The following TNFRSF21 variants were observed in gnomAD, a reference collection of about 807,000 sequenced individuals.
The protein encoded by TNFRSF21 is TNF receptor superfamily member 21.
TNFRSF21 carries 19 observed loss-of-function variants against 45.6 expected under a neutral mutation model. That is an observed-to-expected ratio of 0.42 (90% CI 0.29 to 0.61). TNFRSF21 has a LOEUF of 0.61. Among genes scored for constraint, TNFRSF21 ranks in the 20% least tolerant of loss-of-function variants. The pLI is 0.23. For missense variants in TNFRSF21, 737 were observed against 851.5 expected, an observed-to-expected ratio of 0.87 and a Z score of 1.67; for synonymous variants, 314 against 335.5, an observed-to-expected ratio of 0.94 and a Z score of 0.70.
intron 4 of TNFRSF21, among the ~76,000 whole-genome samples, chr6:47,237,890 A>G (rs1337479631): frequency 6.6e-6 from 1 of 152,096 alleles, no homozygotes; most frequent in Non-Finnish European, 1.5e-5. Context: ...TCTCCACTAA[A>G]AATACAAAAA....
At chr6:47,245,919 G>A (rs1764818659) in intron 4 of TNFRSF21, among the ~76,000 whole-genome samples, 1 of 152,194 alleles carries the variant, frequency 6.6e-6, no homozygotes, top group Non-Finnish European at 1.5e-5. Flanking sequence ...TACATGGTCA[G>A]AGCAGTGGTG....
At chr6:47,289,633 A>AC (rs949463604) in intron 1 of TNFRSF21, among the ~76,000 whole-genome samples, 1 of 152,040 alleles carries the variant, frequency 6.6e-6, no homozygotes, top group Non-Finnish European at 1.5e-5. Flanking sequence ...AGCCTCAGAC[A>AC]CCTTTTTCTG....
rs374952581 is a variant in TNFRSF21 at position 47,257,218 on chromosome 6, A to G, written c.1244-3697T>C. 1.7e-3 allele frequency among the ~76,000 whole-genome samples: 266 copies of G among 152,234 alleles called. 1 individual carries two copies. The highest frequency in any genetic ancestry group is 3.2e-3 in the Non-Finnish European group (216 of 68,002). The stretch of plus-strand genomic sequence containing the variant: ...TTATCCTTTTTTTAAGCCACAAAAT[A>G]AAGAAAAAAAGAAAAAAAAACCCAC... On this transcript the variant is annotated intron_variant, in intron 3 of 5. Transcript: ENST00000296861.
intron 3 of TNFRSF21, among the ~76,000 whole-genome samples, chr6:47,272,620 G>T (rs2113858716): frequency 6.6e-6 from 1 of 152,176 alleles, no homozygotes; most frequent in East Asian, 1.9e-4. Flanking sequence ...AGAAGCAAGA[G>T]CAAACACATT....
chr6:47,300,578 C>T (rs1437785024), intron 1 of TNFRSF21, among the ~76,000 whole-genome samples: 1 of 152,280 alleles, frequency 6.6e-6, no homozygotes, highest in South Asian at 2.1e-4. Context: ...TGAGTGATGT[C>T]CTGATCCCTT....
At chr6:47,303,886 G>A (rs1025168022) in intron 1 of TNFRSF21, among the ~76,000 whole-genome samples, 4 of 152,254 alleles carry the variant, frequency 2.6e-5, no homozygotes, top group African/African-American at 9.6e-5. Flanking sequence ...AGCAGCTGTT[G>A]CTGCTACAGC....
rs560536442 is a variant in TNFRSF21 at position 47,301,849 on chromosome 6, T to C, written c.96+7567A>G. On this transcript the variant is annotated intron_variant, in intron 1 of 5. Coordinates refer to ENST00000296861, the MANE Select transcript of TNFRSF21 (RefSeq NM_014452.5). ...CCTCTTTTCTTTATAAATGACCCAG[T>C]CTTGGGTATTCCTTTATAGCATCGC... Among the ~76,000 whole-genome samples the C allele has an allele frequency of 2.0e-5, 3 of 152,296 alleles. No individual in the cohort carries two copies. In the East Asian group the frequency reaches 5.8e-4, roughly 29 times the overall value.
At chr6:47,306,892 A>G in intron 1 of TNFRSF21, among the ~76,000 whole-genome samples, 1 of 152,180 alleles carries the variant, frequency 6.6e-6, no homozygotes. Flanking sequence ...CACCTCCCCC[A>G]GTAGTGTTCT....
intron 1 of TNFRSF21, among the ~76,000 whole-genome samples, chr6:47,304,266 G>A (rs182231392): frequency 4.7e-5 from 7 of 149,170 alleles, no homozygotes; most frequent in Non-Finnish European, 8.9e-5. Context: ...ATAATGCACC[G>A]GATCATTTCG....
intron 3 of TNFRSF21, among the ~76,000 whole-genome samples, chr6:47,282,569 T>C (rs1762585673): frequency 6.6e-6 from 1 of 152,110 alleles, no homozygotes; most frequent in Non-Finnish European, 1.5e-5. Context: ...AGAAGTGGCA[T>C]GTACTTAGTA....
intron 1 of TNFRSF21, among the ~76,000 whole-genome samples, chr6:47,301,334 C>T (rs116373100): frequency 0.013 from 2,005 of 152,228 alleles, 21 homozygotes; most frequent in Non-Finnish European, 0.017. Flanking sequence ...CAATATTAGC[C>T]CTGAGCTTTT....
chr6:47,263,835 T>A (rs1433884582), intron 3 of TNFRSF21, among the ~76,000 whole-genome samples: 2 of 152,248 alleles, frequency 1.3e-5, no homozygotes, highest in African/African-American at 4.8e-5. Context: ...CTTAGTGGTA[T>A]ATAAAAGAGT....
chr6:47,277,783 T>C (rs1427754277), intron 3 of TNFRSF21, among the ~76,000 whole-genome samples: 2 of 152,120 alleles, frequency 1.3e-5, no homozygotes, highest in African/African-American at 4.8e-5. Flanking sequence ...AAATGGCAAA[T>C]CCAGAATTTT....
At chr6:47,304,917 T>C (rs1010765736) in intron 1 of TNFRSF21, among the ~76,000 whole-genome samples, 18 of 152,332 alleles carry the variant, frequency 1.2e-4, no homozygotes, top group East Asian at 1.9e-4. Context: ...TGATAACTCA[T>C]GGGGTCGGTC....
chr6:47,266,298 A>T (rs551058809), intron 3 of TNFRSF21, among the ~76,000 whole-genome samples: 3 of 152,148 alleles, frequency 2.0e-5, no homozygotes, highest in African/African-American at 7.2e-5. Flanking sequence ...TTGGGGAAGG[A>T]AGGAAACATT....
At chr6:47,301,587 A>G (rs1392200948) in intron 1 of TNFRSF21, among the ~76,000 whole-genome samples, 8 of 152,142 alleles carry the variant, frequency 5.3e-5, no homozygotes, top group South Asian at 2.1e-4. Flanking sequence ...TCTGTCATGA[A>G]CGGCTTGGCA....
At chr6:47,277,085 C>T (rs1762510451) in intron 3 of TNFRSF21, among the ~76,000 whole-genome samples, 1 of 152,204 alleles carries the variant, frequency 6.6e-6, no homozygotes, top group South Asian at 2.1e-4. Flanking sequence ...CCTCTGCCTC[C>T]TGAGTTCCAG....
intron 3 of TNFRSF21, among the ~76,000 whole-genome samples, chr6:47,278,417 G>A (rs1055158136): frequency 2.0e-5 from 3 of 152,162 alleles, no homozygotes; most frequent in South Asian, 4.1e-4. Flanking sequence ...ATCCAATATG[G>A]TAACCACAAG....
chr6:47,309,403 C>G lies in TNFRSF21; in HGVS notation c.96+13G>C, dbSNP rs377491958. The G allele has an allele frequency of 3.4e-5, 52 of 1,532,420 alleles. No individual in the cohort carries two copies. The African/African-American group carries it at 6.7e-4, about 20-fold the overall frequency. The allele number at this position is 1,532,420 out of a possible 1,614,324, so 94.9% of individuals were successfully genotyped here. A position where few individuals can be genotyped will look rare whatever the true frequency, so the allele number is the denominator to read the frequency against. ...CGGCGCCGCCGCCACCCCCGGTCCA[C>G]GCAAGCGCTCACCAGGAGAAGGGAG... On this transcript the variant is annotated intron_variant, in intron 1 of 5. Transcript: ENST00000296861.
Sources: allele counts gnomAD v4.1 joint callset (sites outside exome capture counted in the v4.1 genomes callset), GRCh38; gene constraint gnomAD v4.1.1; transcripts MANE v1.5; gene names NCBI Gene and HGNC (gene_info 2026-07-23, HGNC 2026-07-21).